RNF8: variants seen among roughly 807,000 people sequenced by gnomAD.
RNF8 encodes the protein ring finger protein 8.
In RNF8, 8 loss-of-function variants were observed where a neutral mutation model predicts 59.3. The observed-to-expected ratio is 0.13, with a 90% CI of 0.08 to 0.24. The LOEUF (loss-of-function observed/expected upper bound fraction) is 0.24. Among genes scored for constraint, RNF8 ranks in the 10% least tolerant of loss-of-function variants. RNF8 has a pLI of 1.00. For missense variants in RNF8, 406 were observed against 572.6 expected (o/e 0.71, Z 2.97); for synonymous variants, 162 against 200.0 (o/e 0.81, Z 1.60).
At chr6:37,357,932 A>G (rs1015917099) in intron 1 of RNF8, among the ~76,000 whole-genome samples, 6 of 152,216 alleles carry the variant, frequency 3.9e-5, no homozygotes, top group African/African-American at 1.4e-4. Flanking sequence ...TTTATATTCT[A>G]TTACGGGGAC....
At chr6:37,354,556 CG>C (rs758609043) in intron 1 of RNF8, among the ~76,000 whole-genome samples, 106 of 150,972 alleles carry the variant, frequency 7.0e-4, no homozygotes, top group Middle Eastern at 6.8e-3. Flanking sequence ...CTGGGGAGCC[CG>C]GGGGGGCCAC....
In RNF8 at chr6:37,391,002, C is replaced by T; in HGVS notation, c.*244C>T. 1.6e-6 allele frequency: 1 copy of T among 608,266 alleles called. No homozygotes were observed. Among genetic ancestry groups the T allele is most frequent in the Non-Finnish European group, 2.9e-6 (1 of 340,420 alleles). 37.7% of individuals were successfully genotyped at this position (608,266 alleles called of 1,614,324 possible). On this transcript the variant is annotated 3_prime_UTR_variant, in exon 8 of 8. Coordinates refer to ENST00000373479, the MANE Select transcript of RNF8 (RefSeq NM_003958.4). ...ACTGCTTCAGGGTACTTCGTAGACTCTGCCTCACTACATGTCGAAAGAGTT... is the reference window on the plus strand; with the variant it reads ...ACTGCTTCAGGGTACTTCGTAGACTTTGCCTCACTACATGTCGAAAGAGTT...
In RNF8 at chr6:37,393,694, C is replaced by G. The variant is rs968889872; in HGVS notation, c.*2936C>G. On this transcript the variant is annotated 3_prime_UTR_variant, in exon 8 of 8. Coordinates refer to ENST00000373479, the MANE Select transcript of RNF8 (RefSeq NM_003958.4). ...AACCTAGAAAGGGCTCACTCTACCT[C>G]TAGGCATGTTTCATCCCAACAATCA... The G allele has an allele frequency of 2.1e-4, 32 of 152,374 alleles. No individual in the cohort carries two copies. Among genetic ancestry groups the G allele is most frequent in the African/African-American group, 7.2e-4 (30 of 41,584 alleles). The allele number at this position is 152,374 out of a possible 1,614,324, so 9.4% of individuals were successfully genotyped here. A position where few individuals can be genotyped will look rare whatever the true frequency, so the allele number is the denominator to read the frequency against.
At position 37,360,612 on chromosome 6, in the gene RNF8, T is replaced by G. The variant is rs756075287; in HGVS notation, c.240+38T>G. 1 of 1,554,602 alleles carries G rather than the reference T, an allele frequency of 6.4e-7. No individual in the cohort carries two copies. The highest frequency in any genetic ancestry group is 8.7e-7 in the Non-Finnish European group (1 of 1,155,094). ...ACAGAAGCCTAATGACTTTTATTTGTTTTTAAATTACTTTTTTTTTTTTTT... is the reference window on the plus strand; with the variant it reads ...ACAGAAGCCTAATGACTTTTATTTGGTTTTAAATTACTTTTTTTTTTTTTT... On this transcript the variant is annotated intron_variant, in intron 2 of 7. Transcript: ENST00000373479. This position sits in a 1 kb window ranked among gnomAD's most constrained non-coding sequence, Gnocchi z 4.2.
In RNF8 at chr6:37,381,350, A is replaced by G. The variant is rs201431677; in HGVS notation, c.1437A>G (p.Arg479=). The change falls in exon 7 of 8, where the codon CGA becomes CGG. Residue 479 remains arginine, a synonymous_variant. Coordinates refer to ENST00000373479, the MANE Select transcript of RNF8 (RefSeq NM_003958.4). ...GACGAATTGTTCTCATTAGGGAACG[A>G]AAAGGTGAGTGGGTGTGAGAATTCC... ...KERRIVLIRE[R]KAKRLF is the part of the protein sequence containing the mutation. The G allele has an allele frequency of 2.4e-5, 39 of 1,613,774 alleles. No homozygotes were observed. The highest frequency in any genetic ancestry group is 3.3e-5 in the Non-Finnish European group (39 of 1,179,696).
intron 7 of RNF8, among the ~76,000 whole-genome samples, chr6:37,385,698 G>T (rs1414454539): frequency 6.6e-6 from 1 of 152,042 alleles, no homozygotes; most frequent in Non-Finnish European, 1.5e-5. Flanking sequence ...AAATTGTAGT[G>T]GGATAGTAAC....
intron 7 of RNF8, among the ~76,000 whole-genome samples, chr6:37,382,610 G>C (rs1338418853): frequency 6.6e-6 from 1 of 152,116 alleles, no homozygotes; most frequent in Admixed American, 6.5e-5. Context: ...GGACACCCAT[G>C]GGCTTTCTTC....
At chr6:37,368,332 C>T (rs1423936916) in intron 2 of RNF8, 152 bp from the exon 3 acceptor site, 1 of 1,579,934 alleles carries the variant, frequency 6.3e-7, no homozygotes, top group Non-Finnish European at 8.6e-7. Context: ...AATGCTGTTT[C>T]TAAGGATGGT....
intron 1 of RNF8, among the ~76,000 whole-genome samples, chr6:37,358,593 T>G (rs1191573154): frequency 6.6e-6 from 1 of 152,202 alleles, no homozygotes; most frequent in East Asian, 1.9e-4. Flanking sequence ...AGTAGTTGGT[T>G]GGATAGTATT....
intron 1 of RNF8, 84 bp downstream of exon 1, chr6:37,354,359 G>C: frequency 9.0e-7 from 1 of 1,107,372 alleles, no homozygotes; most frequent in Non-Finnish European, 1.3e-6. Context: ...GTCTTGCTGG[G>C]CTGAATGAAT....
In RNF8 at chr6:37,368,890, C is replaced by T; in HGVS notation, c.647C>T (p.Thr216Ile). 1 of 1,614,208 alleles carries T rather than the reference C, an allele frequency of 6.2e-7. No homozygotes were observed. Among genetic ancestry groups the T allele is most frequent in the Non-Finnish European group, 8.5e-7 (1 of 1,180,040 alleles). ...KLTALEPSKT[T>I]GAPIYPGFPK... The stretch of plus-strand genomic sequence containing the variant: ...ACTGCCCTTGAGCCAAGTAAGACCA[C>T]AGGGGCTCCCATTTACCCTGGCTTC... Residue 216 changes from threonine to isoleucine, a missense_variant, in exon 3 of 8, where the codon ACA becomes ATA. Thr to Ile is a moderately conservative substitution (Grantham distance 89). Transcript: ENST00000373479.
chr6:37,364,807 T>C (rs1460105570), intron 2 of RNF8, among the ~76,000 whole-genome samples: 1 of 152,200 alleles, frequency 6.6e-6, no homozygotes, highest in African/African-American at 2.4e-5. Context: ...TTTCGCTCTT[T>C]TTGCCCAGGC....
chr6:37,360,082 A>G lies in RNF8; in HGVS notation c.112-364A>G, dbSNP rs1451491415. Among the ~76,000 whole-genome samples the G allele has an allele frequency of 6.6e-6, 1 of 152,230 alleles. No homozygotes were observed. The highest frequency in any genetic ancestry group is 1.9e-4 in the East Asian group (1 of 5,194). ...AAAAATGCCAAGTCAGAGACATTTT[A>G]AAAATTGGAGGGCCTGCCTTATGTA... On this transcript the variant is annotated intron_variant, in intron 1 of 7. Coordinates refer to ENST00000373479, the MANE Select transcript of RNF8 (RefSeq NM_003958.4). This position sits in a 1 kb window ranked among gnomAD's most constrained non-coding sequence, Gnocchi z 4.2.
Position 37,391,087 on chromosome 6 carries a change from G to A in RNF8, c.*329G>A, listed in dbSNP as rs1242587517. 1.6e-5 allele frequency: 8 copies of A among 495,966 alleles called. No individual in the cohort carries two copies. The highest frequency in any genetic ancestry group is 2.9e-5 in the Non-Finnish European group (8 of 277,698). The allele number at this position is 495,966 out of a possible 1,614,324, so 30.7% of individuals were successfully genotyped here. A position where few individuals can be genotyped will look rare whatever the true frequency, so the allele number is the denominator to read the frequency against. On this transcript the variant is annotated 3_prime_UTR_variant, in exon 8 of 8. Coordinates refer to ENST00000373479, the MANE Select transcript of RNF8 (RefSeq NM_003958.4). ...GTTGTTGTTACTGTTTTGATACCTC[G>A]GAAACACCTCCGTTGACAGTTGTTT...
At position 37,354,072 on chromosome 6, in the gene RNF8, T is replaced by G; in HGVS notation, c.-93T>G. On this transcript the variant is annotated 5_prime_UTR_variant, in exon 1 of 8. Transcript: ENST00000373479. ...GTGTGGCGATTGCTTCTGTCTGTTA[T>G]TTAGATATGGAAGCTGAGGGGATGC... The G allele has an allele frequency of 1.9e-6, 2 of 1,037,128 alleles. No homozygotes were observed. Among genetic ancestry groups the G allele is most frequent in the Non-Finnish European group, 2.9e-6 (2 of 682,352 alleles). The allele number at this position is 1,037,128 out of a possible 1,614,324, so 64.2% of individuals were successfully genotyped here.
chr6:37,354,313 G>C (rs1769026578), intron 1 of RNF8, 38 bp downstream of exon 1: 1 of 1,475,910 alleles, frequency 6.8e-7, no homozygotes, highest in Non-Finnish European at 9.1e-7. Flanking sequence ...GAGGGCAGGG[G>C]CTGGAGGGAG....
At chr6:37,367,330 C>G (rs771433712) in intron 2 of RNF8, among the ~76,000 whole-genome samples, 5 of 152,222 alleles carry the variant, frequency 3.3e-5, no homozygotes, top group Non-Finnish European at 7.3e-5. Context: ...CAAACCCAGG[C>G]AGTCTGACTC....
Position 37,390,798 on chromosome 6 carries a change from T to A in RNF8, c.*40T>A, listed in dbSNP as rs772957459. 6.2e-7 allele frequency: 1 copy of A among 1,612,906 alleles called. No homozygotes were observed. The highest frequency in any genetic ancestry group is 8.5e-7 in the Non-Finnish European group (1 of 1,179,080). On this transcript the variant is annotated 3_prime_UTR_variant, in exon 8 of 8. Coordinates refer to ENST00000373479, the MANE Select transcript of RNF8 (RefSeq NM_003958.4). ...GGGCATTTGAAAGACTGCCAGGTAG[T>A]GCGAGCCTGAGATGGTCTGGAGGAT...
intron 2 of RNF8, among the ~76,000 whole-genome samples, chr6:37,361,924 TA>T (rs1181136458): frequency 6.6e-6 from 1 of 152,216 alleles, no homozygotes; most frequent in East Asian, 1.9e-4. Context: ...CCCAGAGAGA[TA>T]AACTGTCTTG....
Sources: gnomAD v4.1 joint callset for allele counts (sites outside exome capture counted in the v4.1 genomes callset) on GRCh38, gnomAD v4.1.1 for gene constraint, Gnocchi (gnomAD v3.1) non-coding constraint, MANE v1.5 for transcripts, NCBI Gene and HGNC (gene_info 2026-07-23, HGNC 2026-07-21) for gene names.